CNTNAP2: variants seen among roughly 807,000 people sequenced by gnomAD.
The protein encoded by CNTNAP2 is contactin associated protein 2, also known as contactin-associated protein-like 2.
A neutral mutation model predicts 155.2 loss-of-function variants in CNTNAP2; 98 were observed. The ratio of observed to expected loss-of-function variants is 0.63; its 90% CI spans 0.54 to 0.75. The LOEUF (loss-of-function observed/expected upper bound fraction) is 0.75, where lower values mean the gene tolerates loss of function less well. CNTNAP2 is among the 30% of genes least tolerant of loss of function. The pLI, the probability that CNTNAP2 is intolerant of heterozygous loss-of-function variation, is 0.00. For synonymous variants in CNTNAP2, 651 were observed against 631.2 expected (o/e 1.03, Z -0.47); for missense variants, 1,727 against 1,688.1 (o/e 1.02, Z -0.40).
At chr7:147,985,938 A>G (rs1004430629) in intron 15 of CNTNAP2, among the ~76,000 whole-genome samples, 3 of 152,252 alleles carry the variant, frequency 2.0e-5, no homozygotes, top group African/African-American at 7.2e-5. Flanking sequence ...TGCTGGGCCA[A>G]CTGACTTCCT....
rs553019355 is a variant in CNTNAP2 at position 146,289,552 on chromosome 7, AT to A, written c.97+172581del. 3.3e-3 allele frequency among the ~76,000 whole-genome samples: 503 copies of A among 152,340 alleles called. 2 individuals carry two copies. The highest frequency in any genetic ancestry group is 0.012 in the African/African-American group (486 of 41,586). On this transcript the variant is annotated intron_variant, in intron 1 of 23. Transcript: ENST00000361727. Reference sequence around the variant, plus strand: ...AAGTGTGTTTTTACTAATTTTCATTATTCACCATTGTGGTATAAAATCAACA... The same window carrying A: ...AAGTGTGTTTTTACTAATTTTCATTATCACCATTGTGGTATAAAATCAACA...
chr7:148,146,008 A>G (rs1805170042), intron 16 of CNTNAP2, among the ~76,000 whole-genome samples: 1 of 152,178 alleles, frequency 6.6e-6, no homozygotes, highest in Non-Finnish European at 1.5e-5. Context: ...CAATAAAGTT[A>G]ATGCAGCTTT....
At chr7:146,689,390 A>G (rs1443683627) in intron 1 of CNTNAP2, among the ~76,000 whole-genome samples, 3 of 152,014 alleles carry the variant, frequency 2.0e-5, no homozygotes. Flanking sequence ...CTTAGTGACC[A>G]TGAGATCATC....
intron 1 of CNTNAP2, among the ~76,000 whole-genome samples, chr7:146,544,548 A>T (rs1001945887): frequency 6.6e-6 from 1 of 151,976 alleles, no homozygotes. Flanking sequence ...CATAGAAATA[A>T]GGAATAGTTG....
Position 146,848,558 on chromosome 7 carries a change from T to A in CNTNAP2, c.402+8654T>A, listed in dbSNP as rs10233647. Among the ~76,000 whole-genome samples the A allele has an allele frequency of 2.0e-5, 3 of 152,134 alleles. No homozygotes were observed. In the South Asian group the frequency reaches 6.2e-4, roughly 32 times the overall value. ...GGTTGTTTTGGGAACACTAGGAAAGTGGTCTTATTCAGAGTGGTTGGGTCC... is the reference window on the plus strand; with the variant it reads ...GGTTGTTTTGGGAACACTAGGAAAGAGGTCTTATTCAGAGTGGTTGGGTCC... On this transcript the variant is annotated intron_variant, in intron 3 of 23. Coordinates refer to ENST00000361727, the MANE Select transcript of CNTNAP2 (RefSeq NM_014141.6).
chr7:146,437,757 C>G (rs1171626831), intron 1 of CNTNAP2, among the ~76,000 whole-genome samples: 2 of 151,436 alleles, frequency 1.3e-5, no homozygotes, highest in East Asian at 3.9e-4. Context: ...CATTTGTTTC[C>G]TTATATTTTC....
At chr7:147,710,120 C>T (rs1311247893) in intron 13 of CNTNAP2, among the ~76,000 whole-genome samples, 4 of 152,114 alleles carry the variant, frequency 2.6e-5, no homozygotes, top group Non-Finnish European at 5.9e-5. Flanking sequence ...CTACAAAACA[C>T]ACATGAATTT....
In CNTNAP2 at chr7:147,321,391, A is replaced by G. The variant is rs542291691; in HGVS notation, c.1498+21101A>G. On this transcript the variant is annotated intron_variant, in intron 9 of 23. Coordinates refer to ENST00000361727, the MANE Select transcript of CNTNAP2 (RefSeq NM_014141.6). ...CTGCCTCTTGGCAGCTGTGGTTTAG[A>G]CTTACACCATAATGCAGTTTAGGAT... 3.9e-5 allele frequency among the ~76,000 whole-genome samples: 6 copies of G among 152,316 alleles called. No homozygotes were observed. In the South Asian group the frequency reaches 1.2e-3, roughly 32 times the overall value.
intron 21 of CNTNAP2, among the ~76,000 whole-genome samples, chr7:148,368,498 G>T (rs545649519): frequency 1.4e-4 from 21 of 152,310 alleles, no homozygotes; most frequent in African/African-American, 5.1e-4. Flanking sequence ...CCTAGCTCAT[G>T]TGATTCTGGG....
intron 15 of CNTNAP2, among the ~76,000 whole-genome samples, chr7:148,091,765 G>A (rs1450267719): frequency 6.6e-6 from 1 of 152,026 alleles, no homozygotes; most frequent in African/African-American, 2.4e-5. Flanking sequence ...ATCTCCATGG[G>A]TCAGACTGTA....
intron 9 of CNTNAP2, among the ~76,000 whole-genome samples, chr7:147,329,133 T>G (rs1413820177): frequency 6.6e-6 from 1 of 151,602 alleles, no homozygotes; most frequent in Non-Finnish European, 1.5e-5. Context: ...ATTAAGGGAT[T>G]GAGCACCCCC....
intron 1 of CNTNAP2, among the ~76,000 whole-genome samples, chr7:146,254,977 G>C (rs1158078679): frequency 5.3e-5 from 8 of 151,946 alleles, no homozygotes; most frequent in Non-Finnish European, 1.2e-4. Flanking sequence ...CATTTCAAAA[G>C]GATTGCATGA....
At chr7:147,474,748 T>C (rs1798285357) in intron 10 of CNTNAP2, among the ~76,000 whole-genome samples, 1 of 152,148 alleles carries the variant, frequency 6.6e-6, no homozygotes, top group African/African-American at 2.4e-5. Context: ...GGAAAATGCA[T>C]AACCTGACCT....
At chr7:147,441,813 TTCTCTCTCTCTCTCTC>T (rs568227936) in intron 10 of CNTNAP2, among the ~76,000 whole-genome samples, 1 of 102,168 alleles carries the variant, frequency 9.8e-6, no homozygotes, top group Non-Finnish European at 1.8e-5. Flanking sequence ...TGTAGTCTCT[TTCTCTCTCTCTCTCTC>T]TCTCTCTCTC....
At chr7:146,680,636 C>G (rs149315955) in intron 1 of CNTNAP2, among the ~76,000 whole-genome samples, 1 of 152,152 alleles carries the variant, frequency 6.6e-6, no homozygotes, top group South Asian at 2.1e-4. Flanking sequence ...CATATCATAG[C>G]GTATGTGTGA....
chr7:148,326,859 C>T (rs1221429805), intron 21 of CNTNAP2, among the ~76,000 whole-genome samples: 2 of 112,198 alleles, frequency 1.8e-5, no homozygotes, highest in African/African-American at 7.1e-5. Context: ...AGCGAGACCC[C>T]GTCTCAAAAA....
At chr7:146,816,849 T>C (rs1486050436) in intron 2 of CNTNAP2, among the ~76,000 whole-genome samples, 1 of 152,186 alleles carries the variant, frequency 6.6e-6, no homozygotes, top group Non-Finnish European at 1.5e-5. Flanking sequence ...TTTAATTGTA[T>C]AAAACATGTG....
intron 21 of CNTNAP2, among the ~76,000 whole-genome samples, chr7:148,380,877 G>A (rs2116652990): frequency 6.6e-6 from 1 of 152,292 alleles, no homozygotes; most frequent in Non-Finnish European, 1.5e-5. Flanking sequence ...ACTTGCAACA[G>A]GGGTGCCCTC....
chr7:146,421,308 A>C (rs1796009058), intron 1 of CNTNAP2, among the ~76,000 whole-genome samples: 1 of 152,052 alleles, frequency 6.6e-6, no homozygotes, highest in African/African-American at 2.4e-5. Flanking sequence ...GTTTTATTTA[A>C]ATGCATACAG....
Sources: gnomAD v4.1 joint callset for allele counts (sites outside exome capture counted in the v4.1 genomes callset) on GRCh38, gnomAD v4.1.1 for gene constraint, MANE v1.5 for transcripts, NCBI Gene and HGNC (gene_info 2026-07-23, HGNC 2026-07-21) for gene names.